SORCS1: variants seen among roughly 807,000 people sequenced by gnomAD.
The protein encoded by SORCS1 is VPS10 domain-containing receptor SorCS1.
SORCS1 carries 60 observed loss-of-function variants against 146.1 expected under a neutral mutation model. The observed-to-expected ratio is 0.41, with a 90% CI of 0.33 to 0.51. The LOEUF is 0.51. Ranked by LOEUF, SORCS1 falls within the 20% of genes least tolerant of loss-of-function variation. The pLI is 0.21. For missense variants in SORCS1, 1,352 were observed against 1,487.6 expected, an observed-to-expected ratio of 0.91 and a Z score of 1.50; for synonymous variants, 637 against 584.0, an observed-to-expected ratio of 1.09 and a Z score of -1.31.
chr10:106,630,223 T>C (rs1473975643), intron 18 of SORCS1, among the ~76,000 whole-genome samples: 6 of 152,206 alleles, frequency 3.9e-5, no homozygotes, highest in Non-Finnish European at 5.9e-5. Context: ...TGATATCTGA[T>C]AGGACACTGT....
At chr10:107,143,536 C>T (rs887776300) in intron 1 of SORCS1, among the ~76,000 whole-genome samples, 5 of 152,102 alleles carry the variant, frequency 3.3e-5, no homozygotes, top group Admixed American at 6.6e-5. Flanking sequence ...TGGAATCTCC[C>T]TCTGTCACCC....
At chr10:106,835,696 G>A (rs572349578) in intron 2 of SORCS1, among the ~76,000 whole-genome samples, 1 of 152,206 alleles carries the variant, frequency 6.6e-6, no homozygotes, top group Non-Finnish European at 1.5e-5. Flanking sequence ...TTTCTGAATA[G>A]ACCATTATGC....
rs549775546 is a variant in SORCS1, at chr10:106,642,647, C to T, written c.2475+9735G>A. 9.9e-5 allele frequency among the ~76,000 whole-genome samples: 15 copies of T among 152,030 alleles called. No individual in the cohort carries two copies. In the South Asian group the frequency reaches 2.9e-3, roughly 30 times the overall value. The stretch of plus-strand genomic sequence containing the variant: ...AAAAATATTATGGCTTAATTTATAC[C>T]CAAGCCTCTGAAGAAATACACGTAT... On this transcript the variant is annotated intron_variant, in intron 18 of 25. Coordinates refer to ENST00000263054, the MANE Select transcript of SORCS1 (RefSeq NM_052918.5).
chr10:107,165,175 T>G (rs1472290163), upstream of SORCS1, among the ~76,000 whole-genome samples: 1 of 152,180 alleles, frequency 6.6e-6, no homozygotes, highest in Non-Finnish European at 1.5e-5. The surrounding 1 kb of genome is among the most constrained non-coding windows in gnomAD (Gnocchi z 4.0). Context: ...CCCTCTCTTA[T>G]GCTTCCTGAG....
chr10:107,177,327 C>A, the SORCS1 span, among the ~76,000 whole-genome samples: 5 of 152,074 alleles, frequency 3.3e-5, no homozygotes, highest in Non-Finnish European at 2.9e-5. Context: ...TAAATAAATA[C>A]AGGGTATTCC....
At chr10:106,886,197 G>A (rs1027316284) in intron 2 of SORCS1, among the ~76,000 whole-genome samples, 1 of 152,142 alleles carries the variant, frequency 6.6e-6, no homozygotes, top group Admixed American at 6.5e-5. Flanking sequence ...AGGAGGTGGA[G>A]GCTGCTGTGA....
At chr10:106,879,147 C>CAAAA (rs34140161) in intron 2 of SORCS1, among the ~76,000 whole-genome samples, 2 of 135,964 alleles carry the variant, frequency 1.5e-5, no homozygotes, top group African/African-American at 2.7e-5. Context: ...GAGACTCCAT[C>CAAAA]AAAAAAAAAA....
At chr10:106,621,601 G>T (rs568256750) in intron 19 of SORCS1, among the ~76,000 whole-genome samples, 1 of 151,746 alleles carries the variant, frequency 6.6e-6, no homozygotes, top group Admixed American at 6.6e-5. Flanking sequence ...GACTCCTTCT[G>T]GGGGGGTCTA....
chr10:106,670,247 T>C (rs1015003677), intron 16 of SORCS1, among the ~76,000 whole-genome samples: 1 of 152,214 alleles, frequency 6.6e-6, no homozygotes, highest in African/African-American at 2.4e-5. Context: ...ACAATTAACA[T>C]TGACAACAAG....
chr10:106,691,039 G>T (rs1853256950), intron 9 of SORCS1, among the ~76,000 whole-genome samples: 1 of 152,176 alleles, frequency 6.6e-6, no homozygotes, highest in Admixed American at 6.5e-5. Context: ...GTGTGTGGGT[G>T]TACATGGGTG....
intron 1 of SORCS1, among the ~76,000 whole-genome samples, chr10:107,062,564 C>T (rs972459009): frequency 6.6e-6 from 1 of 152,094 alleles, no homozygotes; most frequent in Non-Finnish European, 1.5e-5. Flanking sequence ...CCATAGCTAA[C>T]GATAATTAAT....
chr10:107,110,200 G>A (rs1965597959), intron 1 of SORCS1, among the ~76,000 whole-genome samples: 1 of 151,968 alleles, frequency 6.6e-6, no homozygotes, highest in Non-Finnish European at 1.5e-5. Flanking sequence ...TTCAACCTCT[G>A]CTAGTTACCC....
At chr10:106,956,712 GC>G (rs1214421231) in intron 1 of SORCS1, 132 bp from the exon 2 acceptor site, 22 of 780,062 alleles carry the variant, frequency 2.8e-5, no homozygotes, top group Non-Finnish European at 3.9e-5. Context: ...TACAGCATTT[GC>G]CACACTGACT....
intron 5 of SORCS1, among the ~76,000 whole-genome samples, chr10:106,732,772 T>A (rs1479204014): frequency 6.6e-6 from 1 of 152,158 alleles, no homozygotes; most frequent in African/African-American, 2.4e-5. Context: ...TGTATTATCT[T>A]TAATGGCAAA....
intron 4 of SORCS1, among the ~76,000 whole-genome samples, chr10:106,769,139 T>C (rs999355593): frequency 3.2e-4 from 48 of 152,146 alleles, no homozygotes; most frequent in African/African-American, 9.7e-4. Flanking sequence ...TGTCTGCCAT[T>C]GAAAGCAGCC....
At chr10:106,790,790 T>C (rs1211331983) in intron 3 of SORCS1, among the ~76,000 whole-genome samples, 2 of 152,228 alleles carry the variant, frequency 1.3e-5, no homozygotes, top group Non-Finnish European at 2.9e-5. Flanking sequence ...GTCCGATGTC[T>C]AGCTCTTGCT....
intron 2 of SORCS1, among the ~76,000 whole-genome samples, chr10:106,878,228 T>G (rs1554871053): frequency 6.6e-6 from 1 of 151,426 alleles, no homozygotes; most frequent in Non-Finnish European, 1.5e-5. Flanking sequence ...GTTTCTCAGC[T>G]GGGGTACCAC....
intron 1 of SORCS1, among the ~76,000 whole-genome samples, chr10:107,139,244 A>G (rs562774308): frequency 2.0e-5 from 3 of 152,328 alleles, no homozygotes; most frequent in African/African-American, 4.8e-5. Context: ...AAAGCCAGAA[A>G]CACACTTTTT....
At chr10:106,987,774 TG>T (rs985444407) in intron 1 of SORCS1, among the ~76,000 whole-genome samples, 7 of 152,214 alleles carry the variant, frequency 4.6e-5, no homozygotes, top group Non-Finnish European at 1.0e-4. Context: ...ACTATCACTC[TG>T]GGGCTCCTTC....
Sources: gnomAD v4.1 joint callset for allele counts (sites outside exome capture counted in the v4.1 genomes callset) on GRCh38, gnomAD v4.1.1 for gene constraint, Gnocchi (gnomAD v3.1) non-coding constraint, MANE v1.5 for transcripts, NCBI Gene and HGNC (gene_info 2026-07-23, HGNC 2026-07-21) for gene names.